The following CEACAM16 variants were observed in gnomAD, a reference collection of about 807,000 sequenced individuals.
CEACAM16 encodes the protein cell adhesion molecule CEACAM16.
A neutral mutation model predicts 39.4 loss-of-function variants in CEACAM16; 30 were observed. That is an observed-to-expected ratio of 0.76 (90% confidence interval 0.57 to 1.03). The LOEUF is 1.03. CEACAM16 is among the 50% of genes least tolerant of loss of function. The pLI is 0.00. For synonymous variants in CEACAM16, 262 were observed against 264.9 expected, an observed-to-expected ratio of 0.99 and a Z score of 0.11; for missense variants, 521 against 585.3, an observed-to-expected ratio of 0.89 and a Z score of 1.13.
In CEACAM16 at chr19:44,707,925, ACTGACCGTGCAGGG is replaced by A. The variant is rs1459869360; in HGVS notation, c.1008_1021del (p.Thr337ProfsTer72). Reference sequence around the variant, plus strand: ...AGCCAACGGAGGGCCAGGACGTAACACTGACCGTGCAGGGCTACCCCAAGGACCTGCTGGTCTAC... The same window carrying A: ...AGCCAACGGAGGGCCAGGACGTAACACTACCCCAAGGACCTGCTGGTCTAC... On this transcript the variant is annotated frameshift_variant, in exon 6 of 7. Transcript: ENST00000587331. LOFTEE classifies it high-confidence loss of function. 3.8e-6 allele frequency: 6 copies of A among 1,588,346 alleles called. No individual in the cohort carries two copies. In the Admixed American group the frequency reaches 5.1e-5, roughly 13 times the overall value.
At chr19:44,709,016 G>C (rs923838273) in intron 6 of CEACAM16, among the ~76,000 whole-genome samples, 2 of 152,056 alleles carry the variant, frequency 1.3e-5, no homozygotes, top group Admixed American at 1.3e-4. Flanking sequence ...CAGAAACTAT[G>C]CCTCCTCCAT....
intron 5 of CEACAM16, among the ~76,000 whole-genome samples, chr19:44,706,993 T>C (rs1974460758): frequency 6.6e-6 from 1 of 152,104 alleles, no homozygotes; most frequent in Admixed American, 6.5e-5. Context: ...GAATAGCTGC[T>C]CAAAGAGAAG....
intron 1 of CEACAM16, among the ~76,000 whole-genome samples, chr19:44,700,711 G>T (rs191808379): frequency 1.4e-4 from 21 of 152,312 alleles, no homozygotes; most frequent in Middle Eastern, 3.4e-3. Context: ...ACGCCCATTT[G>T]ACAGAGAGGG....
rs957777348 is a variant in CEACAM16 at position 44,703,951 on chromosome 19, G to A, written c.383-67G>A. The A allele has an allele frequency of 4.7e-6, 7 of 1,482,304 alleles. No individual in the cohort carries two copies. In the Admixed American group the frequency reaches 1.1e-4, roughly 23 times the overall value. 91.8% of individuals were successfully genotyped at this position (1,482,304 alleles called of 1,614,324 possible). ...CACAATCCGGCCATGCCCCTTGTTG[G>A]GGGAAGGGAAGGCCCTCAGAGCAGG... On this transcript the variant is annotated intron_variant, in intron 3 of 6. Coordinates refer to ENST00000587331, the MANE Select transcript of CEACAM16 (RefSeq NM_001039213.4).
At chr19:44,710,445 C>T (rs1974519112) in intron 6 of CEACAM16, 51 bp from the exon 7 acceptor site, 18 of 1,593,750 alleles carry the variant, frequency 1.1e-5, no homozygotes, top group Non-Finnish European at 1.4e-5. Flanking sequence ...GGACCTGGTC[C>T]TCCATCTCTC....
intron 6 of CEACAM16, among the ~76,000 whole-genome samples, chr19:44,709,585 T>C (rs953423855): frequency 7.1e-6 from 1 of 141,728 alleles, no homozygotes; most frequent in Admixed American, 7.0e-5. Flanking sequence ...GACCGGGAGC[T>C]CCCAGAGGCA....
chr19:44,706,564 T>TTCCC (rs1974453362), intron 5 of CEACAM16, among the ~76,000 whole-genome samples: 1 of 152,128 alleles, frequency 6.6e-6, no homozygotes, highest in South Asian at 2.1e-4. Context: ...GGAATGGTCG[T>TTCCC]TCCCTCCCTC....
chr19:44,703,255 T>C, intron 2 of CEACAM16, 94 bp from the exon 3 acceptor site: 1 of 1,152,436 alleles, frequency 8.7e-7, no homozygotes, highest in Admixed American at 2.4e-5. Context: ...GACACTGGGC[T>C]GGGGACATGC....
Position 44,701,281 on chromosome 19 carries a change from C to A in CEACAM16, c.-96-80C>A. The A allele has an allele frequency of 1.3e-6, 1 of 746,136 alleles. No homozygotes were observed. Among genetic ancestry groups the A allele is most frequent in the Admixed American group, 2.1e-5 (1 of 48,262 alleles). 46.2% of individuals were successfully genotyped at this position (746,136 alleles called of 1,614,324 possible). ...CGCCACACCCACCCTGGTACCCAAACCGGGCCCCAGATCCTTGGTGACTCG... is the reference window on the plus strand; with the variant it reads ...CGCCACACCCACCCTGGTACCCAAAACGGGCCCCAGATCCTTGGTGACTCG... On this transcript the variant is annotated intron_variant, in intron 1 of 6. Coordinates refer to ENST00000587331, the MANE Select transcript of CEACAM16 (RefSeq NM_001039213.4). The surrounding 1 kb of genome is among the most constrained non-coding windows in gnomAD (Gnocchi z 4.0).
intron 2 of CEACAM16, among the ~76,000 whole-genome samples, chr19:44,702,671 G>A (rs990530482): frequency 7.9e-5 from 12 of 152,274 alleles, no homozygotes; most frequent in Admixed American, 6.5e-5. Flanking sequence ...CGCTGTAGGC[G>A]AGCTTGGAGA....
Position 44,702,085 on chromosome 19 carries a change from G to A in CEACAM16, c.37+592G>A, listed in dbSNP as rs547926187. ...AGGCGGGCGGATCACCTGAGGTCAG[G>A]AGTTCAAGACCAGCCTGGTTAACAT... On this transcript the variant is annotated intron_variant, in intron 2 of 6. Transcript: ENST00000587331. Among the ~76,000 whole-genome samples, 19 of 152,212 alleles carry A rather than the reference G, an allele frequency of 1.2e-4. No individual in the cohort carries two copies. The South Asian group carries it at 1.5e-3, about 12-fold the overall frequency.
chr19:44,705,940 C>A, intron 5 of CEACAM16, 72 bp downstream of exon 5: 1 of 1,506,578 alleles, frequency 6.6e-7, no homozygotes, highest in South Asian at 1.3e-5. Context: ...GTTAAGCCAC[C>A]ATTTGCCCAA....
chr19:44,699,771 G>T (rs932716486), intron 1 of CEACAM16, among the ~76,000 whole-genome samples: 4 of 152,160 alleles, frequency 2.6e-5, no homozygotes, highest in Non-Finnish European at 4.4e-5. Context: ...TCCCTGACTT[G>T]TAGCCTCTCA....
rs973815150 is a variant in CEACAM16, at chr19:44,708,186, C to G, written c.1266C>G (p.Ala422=). The G allele has an allele frequency of 6.4e-7, 1 of 1,563,010 alleles. No individual in the cohort carries two copies. Among genetic ancestry groups the G allele is most frequent in the Non-Finnish European group, 8.7e-7 (1 of 1,146,842 alleles). The change falls in exon 6 of 7, where the codon GCC becomes GCG. Residue 422 remains alanine, a splice_region_variant and synonymous_variant. Transcript: ENST00000587331. ...TETLEVELQV[A]PLG is the part of the protein sequence containing the mutation. The stretch of plus-strand genomic sequence containing the variant: ...CACTGGAAGTGGAGCTGCAGGTGGC[C>G]CGTGAGTGTGTGGGAAGGGGCAAGG...
intron 3 of CEACAM16, 88 bp from the exon 4 acceptor site, chr19:44,703,930 A>T: frequency 7.1e-7 from 1 of 1,413,388 alleles, no homozygotes; most frequent in Non-Finnish European, 9.5e-7. Context: ...CCCAGCCACA[A>T]TCCGGCCATG....
chr19:44,707,450 G>A (rs568623485), intron 5 of CEACAM16, among the ~76,000 whole-genome samples: 1 of 152,116 alleles, frequency 6.6e-6, no homozygotes, highest in African/African-American at 2.4e-5. Context: ...CACATTCTGG[G>A]GTCTCTCGGT....
At chr19:44,703,915 G>A (rs2122193909) in intron 3 of CEACAM16, 103 bp from the exon 4 acceptor site, 2 of 1,338,248 alleles carry the variant, frequency 1.5e-6, no homozygotes, top group Middle Eastern at 2.7e-4. Flanking sequence ...CTGAGGGTGT[G>A]GGGGCCCAGC....
Position 44,710,578 on chromosome 19 carries a change from G to T in CEACAM16, c.*72G>T. On this transcript the variant is annotated 3_prime_UTR_variant, in exon 7 of 7. Coordinates refer to ENST00000587331, the MANE Select transcript of CEACAM16 (RefSeq NM_001039213.4). ...CCTCTGGTCCTCGCCCTCTGAGTGGGAACCACTCCCCCACAGCGAGGATGC... is the reference window on the plus strand; with the variant it reads ...CCTCTGGTCCTCGCCCTCTGAGTGGTAACCACTCCCCCACAGCGAGGATGC... 3.2e-6 allele frequency: 5 copies of T among 1,578,320 alleles called. No homozygotes were observed. Among genetic ancestry groups the T allele is most frequent in the African/African-American group, 2.7e-5 (2 of 74,384 alleles).
intron 3 of CEACAM16, 62 bp downstream of exon 3, chr19:44,703,755 C>A: frequency 7.9e-7 from 1 of 1,266,702 alleles, no homozygotes; most frequent in Non-Finnish European, 1.1e-6. Flanking sequence ...CTTCTCAATC[C>A]TTCTTTTTTT....
Sources: gnomAD v4.1 joint callset for allele counts (sites outside exome capture counted in the v4.1 genomes callset) on GRCh38, gnomAD v4.1.1 for gene constraint, Gnocchi (gnomAD v3.1) non-coding constraint, MANE v1.5 for transcripts, NCBI Gene and HGNC (gene_info 2026-07-23, HGNC 2026-07-21) for gene names.